CTNND2: variants seen among roughly 807,000 people sequenced by gnomAD.
CTNND2 encodes the protein catenin delta-2.
In CTNND2, 22 loss-of-function variants were observed where a neutral mutation model predicts 144.4. The ratio of observed to expected loss-of-function variants is 0.15; its 90% CI spans 0.11 to 0.22. CTNND2 has a LOEUF of 0.22. Among genes scored for constraint, CTNND2 ranks in the 10% least tolerant of loss-of-function variants. The pLI is 1.00. For synonymous variants in CTNND2, 751 were observed against 695.6 expected, an observed-to-expected ratio of 1.08 and a Z score of -1.25; for missense variants, 1,353 against 1,618.8, an observed-to-expected ratio of 0.84 and a Z score of 2.82.
intron 18 of CTNND2, among the ~76,000 whole-genome samples, chr5:10,997,752 C>G (rs913655368): frequency 6.6e-6 from 1 of 152,078 alleles, no homozygotes; most frequent in East Asian, 1.9e-4. Context: ...TCGGGACAGT[C>G]GTTTAGTCAA....
intron 1 of CTNND2, among the ~76,000 whole-genome samples, chr5:11,819,811 G>C (rs1457854507): frequency 6.6e-6 from 1 of 152,126 alleles, no homozygotes; most frequent in Non-Finnish European, 1.5e-5. Context: ...CCCTGCTATG[G>C]AGTCCTCAGG....
chr5:11,641,810 G>GTACA (rs1782064785), intron 2 of CTNND2, among the ~76,000 whole-genome samples: 1 of 146,402 alleles, frequency 6.8e-6, no homozygotes, highest in African/African-American at 2.5e-5. Flanking sequence ...ACACGTGTAT[G>GTACA]TACATACATA....
At chr5:11,569,939 A>T (rs143687824) in intron 2 of CTNND2, among the ~76,000 whole-genome samples, 1 of 152,282 alleles carries the variant, frequency 6.6e-6, no homozygotes, top group Non-Finnish European at 1.5e-5. Context: ...GAACTGTAAG[A>T]AATGTTTCAG....
intron 16 of CTNND2, among the ~76,000 whole-genome samples, chr5:11,047,615 T>C (rs1745401311): frequency 6.6e-6 from 1 of 152,186 alleles, no homozygotes; most frequent in Admixed American, 6.5e-5. Context: ...ATCAGTGTAT[T>C]CCATTGCTTG....
intron 3 of CTNND2, among the ~76,000 whole-genome samples, chr5:11,468,674 T>C (rs1440894432): frequency 6.6e-6 from 1 of 152,228 alleles, no homozygotes; most frequent in Non-Finnish European, 1.5e-5. Flanking sequence ...TTCTATTTTT[T>C]CCTTTTTCAA....
chr5:11,386,104 C>T (rs1759061817), intron 6 of CTNND2: 1 of 152,216 alleles, frequency 6.6e-6, no homozygotes, highest in Admixed American at 6.5e-5. Flanking sequence ...GAGGGGAAAG[C>T]ACTTTCCTTG....
intron 16 of CTNND2, 99 bp downstream of exon 16, chr5:11,082,597 G>T: frequency 3.7e-6 from 5 of 1,354,554 alleles, no homozygotes; most frequent in Non-Finnish European, 5.0e-6. Context: ...CACGGCTTCT[G>T]TGTAAGCATA....
chr5:11,662,178 CATATATGTGT>C (rs1554101262), intron 2 of CTNND2, among the ~76,000 whole-genome samples: 3,110 of 120,334 alleles, frequency 0.026, 48 homozygotes, highest in Non-Finnish European at 0.039. Context: ...TGTATATATA[CATATATGTGT>C]ATATATGTGT....
intron 1 of CTNND2, among the ~76,000 whole-genome samples, chr5:11,852,501 T>C (rs1195176469): frequency 3.3e-5 from 5 of 152,166 alleles, no homozygotes; most frequent in Non-Finnish European, 4.4e-5. Context: ...GGGGCACTTG[T>C]ATGTGCACAG....
chr5:11,044,048 C>T (rs1240698714), intron 16 of CTNND2, among the ~76,000 whole-genome samples: 1 of 152,216 alleles, frequency 6.6e-6, no homozygotes, highest in African/African-American at 2.4e-5. Flanking sequence ...AGGCACAGGC[C>T]CTGCATCTTC....
intron 12 of CTNND2, among the ~76,000 whole-genome samples, chr5:11,132,984 G>A (rs1031446667): frequency 3.5e-5 from 1 of 28,646 alleles, no homozygotes; most frequent in South Asian, 8.1e-4. Context: ...CAGTTAACTC[G>A]GCCAGAGATT....
At chr5:11,649,034 A>G (rs1266343131) in intron 2 of CTNND2, among the ~76,000 whole-genome samples, 1 of 152,188 alleles carries the variant, frequency 6.6e-6, no homozygotes, top group Non-Finnish European at 1.5e-5. Flanking sequence ...TTCTTATGTA[A>G]TTATTCCTAT....
At chr5:11,178,625 T>C (rs1031040280) in intron 11 of CTNND2, among the ~76,000 whole-genome samples, 1 of 152,224 alleles carries the variant, frequency 6.6e-6, no homozygotes. Flanking sequence ...ATGCTGGTTA[T>C]GGAGGTCTGA....
At chr5:11,017,787 A>G (rs190543541) in intron 18 of CTNND2, among the ~76,000 whole-genome samples, 187 bp downstream of exon 18, 25 of 152,226 alleles carry the variant, frequency 1.6e-4, no homozygotes, top group African/African-American at 5.5e-4. Context: ...TGTCCAGTCC[A>G]GAAAGTTCAT....
intron 1 of CTNND2, among the ~76,000 whole-genome samples, chr5:11,879,929 G>A (rs1403607729): frequency 6.6e-6 from 1 of 152,054 alleles, no homozygotes; most frequent in South Asian, 2.1e-4. Context: ...AGGGACATAC[G>A]ACTCAATTTT....
chr5:11,589,082 A>G, intron 2 of CTNND2: 1 of 967,450 alleles, frequency 1.0e-6, no homozygotes, highest in Non-Finnish European at 1.2e-6. Context: ...CTGTCTTAAA[A>G]GAGAAAAGAA....
chr5:11,671,562 T>C (rs1210905274), intron 2 of CTNND2, among the ~76,000 whole-genome samples: 1 of 151,852 alleles, frequency 6.6e-6, no homozygotes, highest in Non-Finnish European at 1.5e-5. Flanking sequence ...TTCTGCTTGA[T>C]TGATTTGGCT....
chr5:11,892,309 C>T (rs1184486036), intron 1 of CTNND2, among the ~76,000 whole-genome samples: 1 of 152,164 alleles, frequency 6.6e-6, no homozygotes, highest in Non-Finnish European at 1.5e-5. Context: ...TTTGTCTTCT[C>T]GATGCCTTCT....
intron 10 of CTNND2, among the ~76,000 whole-genome samples, chr5:11,203,709 G>T (rs761369816): frequency 2.0e-5 from 3 of 152,180 alleles, no homozygotes; most frequent in Non-Finnish European, 4.4e-5. Flanking sequence ...AATCTTGAAA[G>T]ATTTTAGGTT....
Sources: gnomAD v4.1 joint callset for allele counts (sites outside exome capture counted in the v4.1 genomes callset) on GRCh38, gnomAD v4.1.1 for gene constraint, MANE v1.5 for transcripts, NCBI Gene and HGNC (gene_info 2026-07-23, HGNC 2026-07-21) for gene names.